RAP1GDS1: variants seen among roughly 807,000 people sequenced by gnomAD.
RAP1GDS1 encodes RAP1, GTP-GDP dissociation stimulator 1.
A neutral mutation model predicts 71.1 loss-of-function variants in RAP1GDS1; 35 were observed. The observed-to-expected ratio is 0.49, with a 90% CI of 0.38 to 0.65. RAP1GDS1 has a LOEUF of 0.65. Ranked by LOEUF, RAP1GDS1 falls within the 30% of genes least tolerant of loss-of-function variation. The pLI is 0.00. For synonymous variants in RAP1GDS1, 229 were observed against 243.1 expected (o/e 0.94, Z 0.54); for missense variants, 663 against 706.1 (o/e 0.94, Z 0.69).
chr4:98,281,172 G>C lies in RAP1GDS1; in HGVS notation c.5-12236G>C, dbSNP rs866882660. Among the ~76,000 whole-genome samples the C allele has an allele frequency of 8.2e-4, 123 of 150,194 alleles. 3 individuals are homozygous for C. Among genetic ancestry groups the C allele is most frequent in the Middle Eastern group, 3.5e-3 (1 of 288 alleles). ...AAAGTCATTGGTAGCTTGATGGGGG[G>C]ATGGCATTGAATCTATAAATTACTT... is the stretch of plus-strand genomic sequence containing the variant. On this transcript the variant is annotated intron_variant, in intron 1 of 14. Coordinates refer to ENST00000408927, the MANE Select transcript of RAP1GDS1 (RefSeq NM_001100427.2).
At chr4:98,298,278 A>G (rs1424666971) in intron 2 of RAP1GDS1, among the ~76,000 whole-genome samples, 1 of 152,222 alleles carries the variant, frequency 6.6e-6, no homozygotes, top group Non-Finnish European at 1.5e-5. Context: ...AGCTAAAATC[A>G]TTGATGAAGG....
At chr4:98,343,810 A>G (rs1735843767) in intron 3 of RAP1GDS1, among the ~76,000 whole-genome samples, 1 of 152,174 alleles carries the variant, frequency 6.6e-6, no homozygotes, top group Non-Finnish European at 1.5e-5. Context: ...ATACACTGAG[A>G]GATTCTTTGG....
intron 1 of RAP1GDS1, among the ~76,000 whole-genome samples, chr4:98,286,710 C>T (rs1316763746): frequency 6.6e-6 from 1 of 151,648 alleles, no homozygotes; most frequent in Non-Finnish European, 1.5e-5. Context: ...CATGGTGAAA[C>T]CCCGTGTCTA....
chr4:98,402,928 CAT>C (rs1292982912), intron 6 of RAP1GDS1, among the ~76,000 whole-genome samples: 1 of 152,046 alleles, frequency 6.6e-6, no homozygotes, highest in Admixed American at 6.6e-5. Context: ...AATAAACTAA[CAT>C]ATAATTACAA....
At chr4:98,342,389 T>C (rs1013241080) in intron 2 of RAP1GDS1, among the ~76,000 whole-genome samples, 4 of 152,186 alleles carry the variant, frequency 2.6e-5, no homozygotes, top group Admixed American at 2.0e-4. Flanking sequence ...TGTTCACAAA[T>C]AATAATTTTA....
intron 2 of RAP1GDS1, among the ~76,000 whole-genome samples, chr4:98,328,390 G>A (rs993039948): frequency 2.0e-5 from 3 of 152,136 alleles, no homozygotes; most frequent in African/African-American, 4.8e-5. Flanking sequence ...GGGAAAAACC[G>A]TCTACCATGT....
At chr4:98,289,149 A>C (rs1726516222) in intron 1 of RAP1GDS1, among the ~76,000 whole-genome samples, 1 of 152,190 alleles carries the variant, frequency 6.6e-6, no homozygotes, top group African/African-American at 2.4e-5. Flanking sequence ...GGGACAACTT[A>C]TTTAATTCTC....
chr4:98,321,379 T>G (rs1441548173), intron 2 of RAP1GDS1, among the ~76,000 whole-genome samples: 2 of 140,966 alleles, frequency 1.4e-5, no homozygotes, highest in Non-Finnish European at 3.1e-5. Flanking sequence ...TTCCCCAATC[T>G]AGCAAGGCAG....
chr4:98,271,928 G>C (rs1025248974), intron 1 of RAP1GDS1, among the ~76,000 whole-genome samples: 2 of 152,132 alleles, frequency 1.3e-5, no homozygotes, highest in African/African-American at 4.8e-5. Context: ...TCAAACTTCA[G>C]CTTGCATAGA....
intron 5 of RAP1GDS1, among the ~76,000 whole-genome samples, chr4:98,382,402 G>A (rs1742144737): frequency 6.6e-6 from 1 of 151,508 alleles, no homozygotes; most frequent in Non-Finnish European, 1.5e-5. Flanking sequence ...CTTTGATTCT[G>A]TGGCTCATGA....
intron 14 of RAP1GDS1, chr4:98,441,341 C>T: frequency 2.0e-6 from 2 of 984,112 alleles, no homozygotes; most frequent in Non-Finnish European, 2.4e-6. Flanking sequence ...GAAAGCAAGT[C>T]AGAAAGAAGA....
chr4:98,418,903 A>G, intron 10 of RAP1GDS1, 112 bp downstream of exon 10: 1 of 1,120,940 alleles, frequency 8.9e-7, no homozygotes, highest in South Asian at 3.0e-5. Flanking sequence ...ATTTAAAAAA[A>G]AATAGTCTTC....
At chr4:98,270,455 A>G (rs1723296242) in intron 1 of RAP1GDS1, among the ~76,000 whole-genome samples, 1 of 152,190 alleles carries the variant, frequency 6.6e-6, no homozygotes, top group South Asian at 2.1e-4. Flanking sequence ...GTTTGAACCA[A>G]CTTTAGCTTT....
chr4:98,273,953 A>G (rs139685991), intron 1 of RAP1GDS1, among the ~76,000 whole-genome samples: 63 of 152,300 alleles, frequency 4.1e-4, no homozygotes, highest in African/African-American at 1.5e-3. Context: ...AAAGCACTGC[A>G]GGAACTATAG....
intron 4 of RAP1GDS1, among the ~76,000 whole-genome samples, chr4:98,371,756 C>T (rs1176535814): frequency 6.6e-6 from 1 of 152,140 alleles, no homozygotes; most frequent in Non-Finnish European, 1.5e-5. Context: ...CCGCCCCTGG[C>T]CAATACCGCT....
chr4:98,437,264 C>G (rs187862091), intron 14 of RAP1GDS1, among the ~76,000 whole-genome samples, 196 bp downstream of exon 14: 1 of 152,308 alleles, frequency 6.6e-6, no homozygotes, highest in East Asian at 1.9e-4. Context: ...ATCTTCTCTT[C>G]TAGCTGTCTT....
chr4:98,426,829 A>G (rs1349697249), intron 12 of RAP1GDS1, among the ~76,000 whole-genome samples: 1 of 152,216 alleles, frequency 6.6e-6, no homozygotes, highest in African/African-American at 2.4e-5. Context: ...ACACTATTCC[A>G]AAAGATAGAG....
At chr4:98,398,807 G>A (rs2110141900) in intron 6 of RAP1GDS1, among the ~76,000 whole-genome samples, 1 of 152,156 alleles carries the variant, frequency 6.6e-6, no homozygotes, top group East Asian at 1.9e-4. Context: ...CTGAAAAGGA[G>A]ATCAAGAAGG....
At chr4:98,318,465 G>A (rs913524876) in intron 2 of RAP1GDS1, among the ~76,000 whole-genome samples, 2 of 152,146 alleles carry the variant, frequency 1.3e-5, no homozygotes, top group East Asian at 1.9e-4. Flanking sequence ...TAAAAGTTAC[G>A]TGAATGTGTA....
Sources: allele counts gnomAD v4.1 joint callset (sites outside exome capture counted in the v4.1 genomes callset), GRCh38; gene constraint gnomAD v4.1.1; transcripts MANE v1.5; gene names NCBI Gene and HGNC (gene_info 2026-07-23, HGNC 2026-07-21).